The following EXD1 variants were observed in gnomAD, a reference collection of about 807,000 sequenced individuals.
EXD1 encodes the protein exonuclease 3'-5' domain containing 1.
EXD1 carries 63 observed loss-of-function variants against 49.1 expected under a neutral mutation model. The ratio of observed to expected loss-of-function variants is 1.28; its 90% CI spans 1.05 to 1.58. The LOEUF is 1.58. Ranked by LOEUF, EXD1 falls within the 40% of genes most tolerant of loss-of-function variation. The pLI, the probability that EXD1 is intolerant of heterozygous loss-of-function variation, is 0.00. For synonymous variants in EXD1, 234 were observed against 239.2 expected, an observed-to-expected ratio of 0.98 and a Z score of 0.20; for missense variants, 748 against 666.0, an observed-to-expected ratio of 1.12 and a Z score of -1.36.
At chr15:41,200,405 C>T (rs1256488243) in intron 7 of EXD1, among the ~76,000 whole-genome samples, 1 of 152,060 alleles carries the variant, frequency 6.6e-6, no homozygotes, top group Admixed American at 6.6e-5. Flanking sequence ...CACCTGTAGT[C>T]CCAGCTAGTC....
At chr15:41,194,059 T>C (rs692335) in intron 9 of EXD1, among the ~76,000 whole-genome samples, 71,293 of 142,306 alleles carry the variant, frequency 0.5, 19,264 homozygotes, top group East Asian at 0.7. Context: ...TCTCCCAGGC[T>C]GGAGTGCAGT....
intron 2 of EXD1, 114 bp from the exon 3 acceptor site, chr15:41,220,012 T>G: frequency 1.5e-6 from 1 of 678,350 alleles, no homozygotes. Context: ...AAAAAAAAAC[T>G]CCAAAAAAAT....
chr15:41,230,692 G>A lies in EXD1; in HGVS notation c.-267C>T, dbSNP rs569505775. ...TCACAGGCTGAAAACCTGGAGAAAG[G>A]TCCGCGACGCCGGGGACACACGCCG... On this transcript the variant is annotated 5_prime_UTR_variant, in exon 1 of 12. Transcript: ENST00000458580. 128 of 804,054 alleles carry A rather than the reference G, an allele frequency of 1.6e-4. No homozygotes were observed. In the African/African-American group the frequency reaches 2.0e-3, roughly 13 times the overall value. The allele number at this position is 804,054 out of a possible 1,614,324, so 49.8% of individuals were successfully genotyped here.
intron 11 of EXD1, among the ~76,000 whole-genome samples, chr15:41,189,235 G>A (rs1198447703): frequency 6.6e-6 from 1 of 151,690 alleles, no homozygotes; most frequent in African/African-American, 2.4e-5. Flanking sequence ...GGGCATGGTG[G>A]CAGGTGCCTG....
intron 7 of EXD1, among the ~76,000 whole-genome samples, chr15:41,208,176 G>C (rs2046863520): frequency 6.6e-6 from 1 of 151,598 alleles, no homozygotes; most frequent in Non-Finnish European, 1.5e-5. Flanking sequence ...TTGGTAGATG[G>C]AAGTTTAGGG....
chr15:41,215,627 A>G (rs1373997716), intron 6 of EXD1, 148 bp downstream of exon 6: 3 of 724,790 alleles, frequency 4.1e-6, no homozygotes, highest in Non-Finnish European at 7.0e-6. Context: ...CGGAGCTTGC[A>G]GTGAGCCAAG....
At chr15:41,226,331 A>G (rs1181709213) in intron 2 of EXD1, 112 bp downstream of exon 2, 1 of 1,028,380 alleles carries the variant, frequency 9.7e-7, no homozygotes, top group African/African-American at 1.6e-5. Flanking sequence ...CCTTCCTCCC[A>G]CACTTTACCT....
chr15:41,215,408 C>T (rs188745291), intron 6 of EXD1, among the ~76,000 whole-genome samples: 7 of 152,056 alleles, frequency 4.6e-5, no homozygotes, highest in East Asian at 1.9e-4. Context: ...AATTTACAGC[C>T]GAGCGTGGTG....
intron 7 of EXD1, among the ~76,000 whole-genome samples, chr15:41,204,850 G>T (rs2046798239): frequency 6.6e-6 from 1 of 151,944 alleles, no homozygotes; most frequent in African/African-American, 2.4e-5. Flanking sequence ...AAAATGATCT[G>T]ACCCACCTTA....
Position 41,183,374 on chromosome 15 carries a change from T to C in EXD1, c.*557A>G, listed in dbSNP as rs1275228702. On this transcript the variant is annotated 3_prime_UTR_variant, in exon 12 of 12. Coordinates refer to ENST00000458580, the MANE Select transcript of EXD1 (RefSeq NM_001286441.2). Reference sequence around the variant, plus strand: ...AGACAAAACATTCAACATTCAAACATAAAGTTAATATTATATTTTAAAAAG... The same window carrying C: ...AGACAAAACATTCAACATTCAAACACAAAGTTAATATTATATTTTAAAAAG... 6.6e-6 allele frequency: 1 copy of C among 152,024 alleles called. No homozygotes were observed. The highest frequency in any genetic ancestry group is 1.5e-5 in the Non-Finnish European group (1 of 68,020). The allele number at this position is 152,024 out of a possible 1,614,324, so 9.4% of individuals were successfully genotyped here. A position where few individuals can be genotyped will look rare whatever the true frequency, so the allele number is the denominator to read the frequency against.
chr15:41,189,192 AC>A (rs1404509500), intron 11 of EXD1, among the ~76,000 whole-genome samples: 1 of 151,114 alleles, frequency 6.6e-6, no homozygotes, highest in Non-Finnish European at 1.5e-5. Flanking sequence ...ACATGGTAAA[AC>A]CCCATGTCTA....
rs951033744 is a variant in EXD1 at position 41,226,614 on chromosome 15, T to C, written c.-39A>G. 2.6e-6 allele frequency: 4 copies of C among 1,518,984 alleles called. No homozygotes were observed. Among genetic ancestry groups the C allele is most frequent in the Non-Finnish European group, 3.5e-6 (4 of 1,138,636 alleles). The allele number at this position is 1,518,984 out of a possible 1,614,324, so 94.1% of individuals were successfully genotyped here. On this transcript the variant is annotated 5_prime_UTR_variant, in exon 2 of 12. An upstream open reading frame in the 5' UTR loses its in-frame stop. Coordinates refer to ENST00000458580, the MANE Select transcript of EXD1 (RefSeq NM_001286441.2). ...AAAAGCCGTCTTCAAATAATCTTCTTTAAGCATCCAAACACTTGAAAATTA... is the reference window on the plus strand; with the variant it reads ...AAAAGCCGTCTTCAAATAATCTTCTCTAAGCATCCAAACACTTGAAAATTA...
intron 1 of EXD1, among the ~76,000 whole-genome samples, chr15:41,229,763 C>A (rs892990975): frequency 6.9e-6 from 1 of 144,006 alleles, no homozygotes; most frequent in South Asian, 2.1e-4. Flanking sequence ...GCAAAAACTC[C>A]GTCTCAAACA....
intron 9 of EXD1, among the ~76,000 whole-genome samples, chr15:41,192,592 GCATTTTTTTTTTTTTTTT>G (rs1297402270): frequency 1.6e-4 from 14 of 86,214 alleles, no homozygotes; most frequent in South Asian, 3.4e-4. Flanking sequence ...ACTGCGCCAG[GCATTTTTTTTTTTTTTTT>G]TTTTTTTTTT....
intron 3 of EXD1, among the ~76,000 whole-genome samples, chr15:41,217,975 T>C (rs951515357): frequency 6.6e-6 from 1 of 152,224 alleles, no homozygotes; most frequent in African/African-American, 2.4e-5. Flanking sequence ...TCCTTCATCT[T>C]GACAATTCTT....
chr15:41,196,074 A>G (rs750800041), intron 7 of EXD1, 37 bp from the exon 8 acceptor site: 4 of 1,488,008 alleles, frequency 2.7e-6, no homozygotes, highest in Non-Finnish European at 3.7e-6. Context: ...ACCATAGGAT[A>G]AGAAAGAACT....
At chr15:41,225,797 A>T (rs1420275818) in intron 2 of EXD1, among the ~76,000 whole-genome samples, 1 of 151,890 alleles carries the variant, frequency 6.6e-6, no homozygotes, top group African/African-American at 2.4e-5. Context: ...CTGAGGCAGG[A>T]GAATCACTTG....
At chr15:41,204,425 C>G (rs2046790745) in intron 7 of EXD1, among the ~76,000 whole-genome samples, 1 of 151,670 alleles carries the variant, frequency 6.6e-6, no homozygotes, top group South Asian at 2.1e-4. Flanking sequence ...GTGGTGGGCA[C>G]CTATAATCCC....
chr15:41,216,534 G>A (rs1191420187), intron 5 of EXD1, 134 bp downstream of exon 5: 1 of 885,592 alleles, frequency 1.1e-6, no homozygotes, highest in East Asian at 2.7e-5. Context: ...TGGAGGCAGA[G>A]GCAGGATAAT....
Sources: gnomAD v4.1 joint callset for allele counts (sites outside exome capture counted in the v4.1 genomes callset) on GRCh38, gnomAD v4.1.1 for gene constraint, MANE v1.5 for transcripts, NCBI Gene and HGNC (gene_info 2026-07-23, HGNC 2026-07-21) for gene names.